The following SEC23B variants were observed in gnomAD, a reference collection of about 807,000 sequenced individuals.
SEC23B encodes the protein SEC23 homolog B, COPII component, also known as protein transport protein Sec23B.
Under a neutral mutation model 104.3 loss-of-function variants are expected in SEC23B, and 77 were observed. The ratio of observed to expected loss-of-function variants is 0.74; its 90% CI spans 0.61 to 0.89. The LOEUF (loss-of-function observed/expected upper bound fraction) is 0.89. SEC23B is among the 40% of genes least tolerant of loss of function. The pLI is 0.00. For missense variants in SEC23B, 885 were observed against 949.4 expected, an observed-to-expected ratio of 0.93 and a Z score of 0.89; for synonymous variants, 338 against 332.5, an observed-to-expected ratio of 1.02 and a Z score of -0.18.
chr20:18,554,957 TGCAGTAAAACAATTCTAATTAGATTACTG>T lies in SEC23B; in HGVS notation c.2149-150_2149-122del. The T allele has an allele frequency of 3.1e-4, 27 of 87,016 alleles. 1 individual carries two copies. Among genetic ancestry groups the T allele is most frequent in the Middle Eastern group, 2.7e-3 (1 of 372 alleles). The allele number at this position is 87,016 out of a possible 1,614,324, so 5.4% of individuals were successfully genotyped here. On this transcript the variant is annotated intron_variant, in intron 18 of 19. Transcript: ENST00000650089. Reference sequence around the variant, plus strand: ...CTTAAGCTAAAGAAATAGATTACTGTGCAGTAAAACAATTCTAATTAGATTACTGTGCAGTAAAACAATTCTAATTTAAC... The same window carrying T: ...CTTAAGCTAAAGAAATAGATTACTGTTGCAGTAAAACAATTCTAATTTAAC...
At chr20:18,547,672 G>A (rs561361301) in intron 15 of SEC23B, among the ~76,000 whole-genome samples, 5 of 152,088 alleles carry the variant, frequency 3.3e-5, no homozygotes, top group South Asian at 2.1e-4. Context: ...CCTCAGCCAC[G>A]TCTCTCAGGG....
intron 4 of SEC23B, among the ~76,000 whole-genome samples, chr20:18,519,557 G>GT (rs1306295361): frequency 6.6e-6 from 1 of 152,190 alleles, no homozygotes; most frequent in African/African-American, 2.4e-5. Flanking sequence ...CCCGTTCCTT[G>GT]TGTAAGAATT....
chr20:18,530,584 C>A (rs1829295870), intron 9 of SEC23B, 96 bp from the exon 10 acceptor site: 1 of 1,436,422 alleles, frequency 7.0e-7, no homozygotes, highest in African/African-American at 1.5e-5. Flanking sequence ...GACCTGGTTT[C>A]TTTTTTTCTT....
chr20:18,520,732 A>G (rs1450869744), intron 4 of SEC23B, among the ~76,000 whole-genome samples: 1 of 151,972 alleles, frequency 6.6e-6, no homozygotes, highest in Admixed American at 6.6e-5. Context: ...AAAAGAAGGT[A>G]ATGTGGAGTG....
intron 14 of SEC23B, among the ~76,000 whole-genome samples, chr20:18,545,031 ATTTTT>A (rs1416510025): frequency 5.2e-5 from 1 of 19,278 alleles, no homozygotes; most frequent in African/African-American, 9.3e-5. Context: ...ATTTTTGATA[ATTTTT>A]GATAATTGAA....
chr20:18,541,813 T>C (rs1274632839), intron 12 of SEC23B, among the ~76,000 whole-genome samples: 1 of 152,218 alleles, frequency 6.6e-6, no homozygotes, highest in Non-Finnish European at 1.5e-5. Context: ...CACAGAGACA[T>C]GAAGTGAGCA....
intron 19 of SEC23B, among the ~76,000 whole-genome samples, chr20:18,555,783 CTA>C (rs2060432135): frequency 1.3e-5 from 2 of 152,096 alleles, no homozygotes; most frequent in African/African-American, 4.8e-5. Context: ...CTTGCAAAAA[CTA>C]TAATACAGTA....
intron 4 of SEC23B, among the ~76,000 whole-genome samples, chr20:18,517,023 G>T (rs1001930668): frequency 6.6e-6 from 1 of 152,142 alleles, no homozygotes. Flanking sequence ...TTGAACATGA[G>T]CATGCTCAAA....
rs371646735 is a variant in SEC23B at position 18,526,371 on chromosome 20, A to G, written c.835-2A>G. 98 of 1,613,960 alleles carry G rather than the reference A, an allele frequency of 6.1e-5. No individual in the cohort carries two copies. The highest frequency in any genetic ancestry group is 2.7e-4 in the Admixed American group (16 of 60,000). On this transcript the variant is annotated splice_acceptor_variant, in intron 7 of 19. Coordinates refer to ENST00000650089, the MANE Select transcript of SEC23B (RefSeq NM_006363.6). LOFTEE classifies it high-confidence loss of function. ...CTAACATGCTGCCATTCGCTATTTT[A>G]GGGCACTTTTCCAAACACAGGAGCC...
chr20:18,517,817 G>A (rs556938752), intron 4 of SEC23B, among the ~76,000 whole-genome samples: 19 of 152,294 alleles, frequency 1.2e-4, no homozygotes, highest in African/African-American at 4.6e-4. Flanking sequence ...GGTTTTCTAT[G>A]AATTGAGAAA....
At chr20:18,553,338 A>C (rs937792034) in intron 17 of SEC23B, among the ~76,000 whole-genome samples, 3 of 152,234 alleles carry the variant, frequency 2.0e-5, no homozygotes, top group African/African-American at 7.2e-5. Context: ...AGCAGGCTAC[A>C]GAAGGAGGCA....
intron 19 of SEC23B, 96 bp from the exon 20 acceptor site, chr20:18,560,555 C>A: frequency 1.1e-6 from 1 of 929,818 alleles, no homozygotes; most frequent in Non-Finnish European, 1.8e-6. Flanking sequence ...GAGGGGACAA[C>A]ACCTGTGAAT....
intron 1 of SEC23B, among the ~76,000 whole-genome samples, chr20:18,508,713 C>CTT (rs2059954266): frequency 3.6e-5 from 2 of 55,524 alleles, no homozygotes; most frequent in African/African-American, 1.1e-4. Context: ...GAGGCAGTAG[C>CTT]TTCTTTTTTT....
intron 13 of SEC23B, 142 bp downstream of exon 13, chr20:18,542,544 G>T (rs970566177): frequency 4.5e-6 from 4 of 895,838 alleles, no homozygotes; most frequent in African/African-American, 1.7e-5. Context: ...GATCAGAGGA[G>T]GAGGCATTTT....
intron 9 of SEC23B, among the ~76,000 whole-genome samples, chr20:18,529,106 G>A (rs1568608661): frequency 6.6e-6 from 1 of 152,192 alleles, no homozygotes; most frequent in Non-Finnish European, 1.5e-5. Flanking sequence ...GGAGAGTCCT[G>A]GAAACTGTCA....
chr20:18,510,738 C>CT (rs2059973869), intron 1 of SEC23B, 84 bp from the exon 2 acceptor site: 2 of 1,048,764 alleles, frequency 1.9e-6, no homozygotes, highest in Non-Finnish European at 1.5e-6. Context: ...AAGAGAAACA[C>CT]TGTGTTACAT....
At chr20:18,526,023 C>G in intron 7 of SEC23B, 91 bp downstream of exon 7, 2 of 1,389,278 alleles carry the variant, frequency 1.4e-6, no homozygotes, top group Non-Finnish European at 2.0e-6. Flanking sequence ...CACTTGTGAT[C>G]TAAGTCAACC....
intron 4 of SEC23B, among the ~76,000 whole-genome samples, chr20:18,516,811 C>T (rs954595719): frequency 6.6e-6 from 1 of 152,004 alleles, no homozygotes; most frequent in African/African-American, 2.4e-5. Flanking sequence ...CCTCGGCTTC[C>T]GAAAGTGCTG....
In SEC23B at chr20:18,559,086, G is replaced by GA. The variant is rs1460979595; in HGVS notation, c.2215-1565_2215-1564insA. On this transcript the variant is annotated intron_variant, in intron 19 of 19. Transcript: ENST00000650089. ...TGACAGGGAAGGTGGTTGGTGGGGGGGGTGTCGGGGGCACTGGTGGGCTCC... is the reference window on the plus strand; with the variant it reads ...TGACAGGGAAGGTGGTTGGTGGGGGGAGGTGTCGGGGGCACTGGTGGGCTCC... 6.7e-5 allele frequency among the ~76,000 whole-genome samples: 10 copies of GA among 150,334 alleles called. No homozygotes were observed. In the South Asian group the frequency reaches 1.9e-3, roughly 29 times the overall value.
Sources: gnomAD v4.1 joint callset for allele counts (sites outside exome capture counted in the v4.1 genomes callset) on GRCh38, gnomAD v4.1.1 for gene constraint, MANE v1.5 for transcripts, NCBI Gene and HGNC (gene_info 2026-07-23, HGNC 2026-07-21) for gene names.